The following OSBPL1A variants were observed in gnomAD, a reference collection of about 807,000 sequenced individuals.
OSBPL1A encodes the protein oxysterol-binding protein-related protein 1.
Under a neutral mutation model 137.1 loss-of-function variants are expected in OSBPL1A, and 80 were observed. The ratio of observed to expected loss-of-function variants is 0.58; its 90% CI spans 0.49 to 0.70. The LOEUF is 0.70. OSBPL1A is among the 30% of genes least tolerant of loss of function. The pLI, the probability that OSBPL1A is intolerant of heterozygous loss-of-function variation, is 0.00. For synonymous variants in OSBPL1A, 365 were observed against 389.7 expected (o/e 0.94, Z 0.75); for missense variants, 970 against 1,129.4 (o/e 0.86, Z 2.02).
chr18:24,282,429 T>C (rs1217917827), intron 14 of OSBPL1A, among the ~76,000 whole-genome samples: 14 of 152,168 alleles, frequency 9.2e-5, no homozygotes, highest in Admixed American at 9.2e-4. Context: ...CTCTCAAAAA[T>C]GTGTTCCTAT....
At chr18:24,352,412 A>C (rs2091456537) in intron 4 of OSBPL1A, among the ~76,000 whole-genome samples, 1 of 152,198 alleles carries the variant, frequency 6.6e-6, no homozygotes, top group South Asian at 2.1e-4. Context: ...ACAACAATGA[A>C]AGAGGATACA....
At chr18:24,207,890 C>T (rs2087420861) in intron 17 of OSBPL1A, among the ~76,000 whole-genome samples, 2 of 152,116 alleles carry the variant, frequency 1.3e-5, no homozygotes, top group South Asian at 4.1e-4. Context: ...GCACTACAAG[C>T]GTGTGTTACA....
chr18:24,173,012 T>C (rs2086327876), intron 21 of OSBPL1A, among the ~76,000 whole-genome samples: 1 of 152,128 alleles, frequency 6.6e-6, no homozygotes, highest in South Asian at 2.1e-4. Context: ...TGCCCATCAA[T>C]GATAGATTGG....
At chr18:24,367,111 T>C in intron 3 of OSBPL1A, 145 bp from the exon 4 acceptor site, 1 of 674,760 alleles carries the variant, frequency 1.5e-6, no homozygotes, top group East Asian at 3.3e-5. Context: ...AAAGTAACAA[T>C]AAAAAGCCAG....
chr18:24,317,965 A>G (rs1012224910), intron 9 of OSBPL1A, among the ~76,000 whole-genome samples: 2 of 152,160 alleles, frequency 1.3e-5, no homozygotes, highest in African/African-American at 2.4e-5. Flanking sequence ...TTTGATGTTC[A>G]TAACAAAAAT....
At chr18:24,287,213 GC>G (rs1366273248) in intron 14 of OSBPL1A, among the ~76,000 whole-genome samples, 2 of 152,298 alleles carry the variant, frequency 1.3e-5, no homozygotes, top group East Asian at 3.9e-4. Context: ...AACTGGGTTT[GC>G]ATCACTTCTG....
intron 15 of OSBPL1A, among the ~76,000 whole-genome samples, chr18:24,246,772 C>T (rs1289442032): frequency 8.4e-6 from 1 of 119,594 alleles, no homozygotes; most frequent in Non-Finnish European, 1.6e-5. Flanking sequence ...TCCTGGGTAA[C>T]AGAGTGAGAC....
At chr18:24,252,785 A>G (rs1271596532) in intron 15 of OSBPL1A, among the ~76,000 whole-genome samples, 1 of 152,218 alleles carries the variant, frequency 6.6e-6, no homozygotes, top group Non-Finnish European at 1.5e-5. Context: ...TAGACAGTAT[A>G]AGACATAAAA....
intron 1 of OSBPL1A, among the ~76,000 whole-genome samples, chr18:24,385,713 T>G (rs1172455081): frequency 6.6e-6 from 1 of 152,048 alleles, no homozygotes; most frequent in Non-Finnish European, 1.5e-5. Context: ...GCTCCAAGAG[T>G]ATCTCCAGTG....
chr18:24,328,215 T>C (rs893565139), intron 7 of OSBPL1A, among the ~76,000 whole-genome samples: 12 of 134,266 alleles, frequency 8.9e-5, no homozygotes, highest in African/African-American at 3.2e-4. Flanking sequence ...GCTAATTTTT[T>C]GTATTTTTTT....
In OSBPL1A at chr18:24,246,723, G is replaced by A. The variant is rs548268873; in HGVS notation, c.1282-7341C>T. On this transcript the variant is annotated intron_variant, in intron 15 of 27. Coordinates refer to ENST00000319481, the MANE Select transcript of OSBPL1A (RefSeq NM_080597.4). Reference sequence around the variant, plus strand: ...GGAGAATCACTTGAACCCGGGAGGCGGAGGTTGCAGTGAGCCAAGATGGCA... The same window carrying A: ...GGAGAATCACTTGAACCCGGGAGGCAGAGGTTGCAGTGAGCCAAGATGGCA... Among the ~76,000 whole-genome samples the A allele has an allele frequency of 2.7e-4, 41 of 150,748 alleles. 1 individual carries two copies. The highest frequency in any genetic ancestry group is 4.2e-4 in the South Asian group (2 of 4,712).
chr18:24,332,837 A>T, intron 7 of OSBPL1A, 105 bp downstream of exon 7: 1 of 1,340,972 alleles, frequency 7.5e-7, no homozygotes, highest in Non-Finnish European at 1.0e-6. Context: ...TAGAAACCAT[A>T]CAGTTTAACA....
Position 24,318,607 on chromosome 18 carries a change from G to A in OSBPL1A, c.726C>T (p.Leu242=), listed in dbSNP as rs1160134437. ...AAAAACCACCTCAACTTACCTTCCA[G>A]AGAGGGCCCTCATATCGTTTCAATG... ...YKALKRYEGP[L]WKSSRFFGWR... Residue 242 remains leucine (L), a synonymous_variant, in exon 9 of 28, where the codon CTC becomes CTT. Coordinates refer to ENST00000319481, the MANE Select transcript of OSBPL1A (RefSeq NM_080597.4). 2 of 1,608,624 alleles carry A rather than the reference G, an allele frequency of 1.2e-6. No individual in the cohort carries two copies. Among genetic ancestry groups the A allele is most frequent in the Admixed American group, 3.4e-5 (2 of 59,452 alleles).
chr18:24,234,483 G>A (rs755598029), intron 16 of OSBPL1A, among the ~76,000 whole-genome samples: 15 of 152,128 alleles, frequency 9.9e-5, no homozygotes, highest in South Asian at 2.1e-4. Context: ...GAAATGTTTC[G>A]TCACTGAGCT....
intron 1 of OSBPL1A, among the ~76,000 whole-genome samples, chr18:24,386,185 A>G (rs376236003): frequency 4.6e-5 from 7 of 152,206 alleles, no homozygotes; most frequent in African/African-American, 1.4e-4. Context: ...CACGGGGTCA[A>G]TACAGTCATA....
Position 24,242,336 on chromosome 18 carries a change from TAA to T in OSBPL1A, c.1282-2956_1282-2955del, listed in dbSNP as rs573041454. ...AACAAAAAAGATTCAGTTAGGGGGT[TAA>T]AAAAAAAAAAGAAAGAAAGAAAAGA... On this transcript the variant is annotated intron_variant, in intron 15 of 27. Transcript: ENST00000319481. Among the ~76,000 whole-genome samples the T allele has an allele frequency of 4.8e-3, 681 of 142,580 alleles. 4 individuals are homozygous for T. The highest frequency in any genetic ancestry group is 0.016 in the African/African-American group (623 of 38,918). The allele number at this position is 142,580 out of a possible 152,430, so 93.5% of individuals were successfully genotyped here. A position where few individuals can be genotyped will look rare whatever the true frequency, so the allele number is the denominator to read the frequency against.
chr18:24,170,416 C>T lies in OSBPL1A; in HGVS notation c.2329G>A (p.Glu777Lys), dbSNP rs772062611. The T allele has an allele frequency of 1.2e-6, 2 of 1,614,142 alleles. No homozygotes were observed. Among genetic ancestry groups the T allele is most frequent in the South Asian group, 1.1e-5 (1 of 91,078 alleles). Residue 777 changes from glutamate (E) to lysine (K), a missense_variant, in exon 24 of 28, where the codon GAA becomes AAA. Transcript: ENST00000319481. Reference protein sequence around the residue: ...KLCALYGKWTECLYSVDPATF... With the variant: ...KLCALYGKWTKCLYSVDPATF... ...GCAGGGTCAACACTGTATAAACATT[C>T]AGTCCACTTCCCATAGAGGGCACAG...
chr18:24,291,238 A>G (rs761267329), intron 14 of OSBPL1A, among the ~76,000 whole-genome samples: 22 of 152,186 alleles, frequency 1.4e-4, no homozygotes, highest in Non-Finnish European at 1.2e-4. Context: ...CTTTAAATTC[A>G]TATGTCTGAA....
chr18:24,313,366 G>C (rs1307923197), intron 12 of OSBPL1A, among the ~76,000 whole-genome samples: 2 of 151,428 alleles, frequency 1.3e-5, no homozygotes, highest in Non-Finnish European at 1.5e-5. Flanking sequence ...ACTTGACCCA[G>C]GGAGGCAGAG....
Sources: gnomAD v4.1 joint callset for allele counts (sites outside exome capture counted in the v4.1 genomes callset) on GRCh38, gnomAD v4.1.1 for gene constraint, MANE v1.5 for transcripts, NCBI Gene and HGNC (gene_info 2026-07-23, HGNC 2026-07-21) for gene names.